HYAL4: variants seen among roughly 807,000 people sequenced by gnomAD.
HYAL4 encodes the protein hyaluronidase 4.
Under a neutral mutation model 35.2 loss-of-function variants are expected in HYAL4, and 37 were observed. The ratio of observed to expected loss-of-function variants is 1.05; its 90% CI spans 0.81 to 1.38. The LOEUF is 1.38. HYAL4 is among the 40% of genes most tolerant of loss of function. The pLI, the probability that HYAL4 is intolerant of heterozygous loss-of-function variation, is 0.00. For synonymous variants in HYAL4, 198 were observed against 203.2 expected, an observed-to-expected ratio of 0.97 and a Z score of 0.22; for missense variants, 572 against 572.4, an observed-to-expected ratio of 1.00 and a Z score of 0.01.
chr7:123,858,150 T>C (rs905107157), intron 2 of HYAL4, among the ~76,000 whole-genome samples: 1 of 152,140 alleles, frequency 6.6e-6, no homozygotes, highest in South Asian at 2.1e-4. Context: ...TGAGCTGATA[T>C]TGTGCCACTA....
the HYAL4 span, among the ~76,000 whole-genome samples, chr7:123,810,368 T>A: frequency 2.0e-5 from 3 of 152,316 alleles, no homozygotes; most frequent in South Asian, 4.1e-4. Context: ...TAATATTTGG[T>A]GTAATTACCA....
At chr7:123,773,854 G>A in the HYAL4 span, among the ~76,000 whole-genome samples, 1 of 151,980 alleles carries the variant, frequency 6.6e-6, no homozygotes, top group Non-Finnish European at 1.5e-5. Context: ...CAAATTTCCT[G>A]CTTCTTAATG....
At chr7:123,767,092 A>C in the HYAL4 span, among the ~76,000 whole-genome samples, 2 of 152,182 alleles carry the variant, frequency 1.3e-5, no homozygotes, top group African/African-American at 4.8e-5. Context: ...AAAAAATTAT[A>C]TATGTTTAAA....
At chr7:123,814,922 G>A in the HYAL4 span, 17,245 of 152,520 alleles carry the variant, frequency 0.11, 1,112 homozygotes, top group Non-Finnish European at 0.14. Flanking sequence ...GTTCACTATC[G>A]AGTTAGAGAA....
chr7:123,791,712 C>T, the HYAL4 span, among the ~76,000 whole-genome samples: 2 of 152,166 alleles, frequency 1.3e-5, no homozygotes, highest in Non-Finnish European at 2.9e-5. Context: ...AGTAGTTGAG[C>T]ATGGTTTCTT....
At chr7:123,765,004 A>C in the HYAL4 span, among the ~76,000 whole-genome samples, 1 of 152,240 alleles carries the variant, frequency 6.6e-6, no homozygotes, top group East Asian at 1.9e-4. Flanking sequence ...TTATAATTAA[A>C]TAGTCTGTCT....
Position 123,869,079 on chromosome 7 carries a change from G to T in HYAL4, c.806G>T (p.Gly269Val), listed in dbSNP as rs1299986059. 3.7e-6 allele frequency: 6 copies of T among 1,614,074 alleles called. No homozygotes were observed. The highest frequency in any genetic ancestry group is 5.1e-6 in the Non-Finnish European group (6 of 1,180,042). The change falls in exon 3 of 5, where the codon GGA becomes GTA. Residue 269 changes from glycine (G) to valine (V), a missense_variant. Gly to Val is a moderately radical substitution (Grantham distance 109, BLOSUM62 -3). Transcript: ENST00000223026. The part of the protein sequence containing the change: ...YPSIGVWKSL[G>V]DSENILRFSK... ...TCTATCGGTGTCTGGAAATCCCTTG[G>T]AGACAGTGAAAACATTTTGCGCTTC...
chr7:123,805,074 A>T, the HYAL4 span, among the ~76,000 whole-genome samples: 1 of 152,166 alleles, frequency 6.6e-6, no homozygotes, highest in Non-Finnish European at 1.5e-5. Flanking sequence ...CTATGTAGTG[A>T]ATGGTAAGGG....
rs770541919 is a variant in HYAL4 at position 123,845,202 on chromosome 7, C to CTTTTTTTTTTT, written c.-591_-581dup. 1.2e-4 allele frequency: 9 copies of CTTTTTTTTTTT among 76,872 alleles called. No individual in the cohort carries two copies. The highest frequency in any genetic ancestry group is 3.9e-4 in the East Asian group (1 of 2,554). 4.8% of individuals were successfully genotyped at this position (76,872 alleles called of 1,614,324 possible). A position where few individuals can be genotyped will look rare whatever the true frequency, so the allele number is the denominator to read the frequency against. ...TTATTTATGCTATCTATTTCTTTTC[C>CTTTTTTTTTTT]TTTTTTTTTTTTTTTTTTTTTTTTG... is the stretch of plus-strand genomic sequence containing the variant. On this transcript the variant is annotated 5_prime_UTR_variant, in exon 1 of 5. An upstream open reading frame in the 5' UTR loses its in-frame stop. Transcript: ENST00000223026.
the HYAL4 span, among the ~76,000 whole-genome samples, chr7:123,800,544 A>G: frequency 6.6e-6 from 1 of 151,906 alleles, no homozygotes; most frequent in Admixed American, 6.6e-5. Context: ...TCAAATAAGC[A>G]TATCATCTTC....
intron 2 of HYAL4, among the ~76,000 whole-genome samples, chr7:123,853,237 C>A (rs185501667): frequency 6.6e-6 from 1 of 152,212 alleles, no homozygotes; most frequent in Admixed American, 6.5e-5. Context: ...TTTCTCTTGC[C>A]TGATTGCCCT....
the HYAL4 span, among the ~76,000 whole-genome samples, chr7:123,816,020 C>G: frequency 1.3e-5 from 2 of 152,260 alleles, no homozygotes; most frequent in Non-Finnish European, 2.9e-5. Context: ...GGAAAAGAAT[C>G]ATAGCATTAT....
intron 4 of HYAL4, chr7:123,876,074 A>C: frequency 2.2e-6 from 1 of 456,582 alleles, no homozygotes; most frequent in South Asian, 1.5e-5. Context: ...GAAGAGCTTC[A>C]TCAGGAAGGT....
At chr7:123,861,655 A>G (rs1806578567) in intron 2 of HYAL4, among the ~76,000 whole-genome samples, 1 of 152,212 alleles carries the variant, frequency 6.6e-6, no homozygotes, top group Non-Finnish European at 1.5e-5. Flanking sequence ...TGAATAATAT[A>G]GTGAATTTAC....
At chr7:123,876,624 T>A in intron 4 of HYAL4, 130 bp from the exon 5 acceptor site, 1 of 977,744 alleles carries the variant, frequency 1.0e-6, no homozygotes, top group Non-Finnish European at 1.5e-6. Context: ...CATTATGTTT[T>A]AATCAAGACC....
At chr7:123,873,851 C>T (rs902069053) in intron 3 of HYAL4, among the ~76,000 whole-genome samples, 9 of 152,178 alleles carry the variant, frequency 5.9e-5, no homozygotes, top group Non-Finnish European at 4.4e-5. Context: ...AGCGACTTTA[C>T]CATGACTGGA....
intron 2 of HYAL4, among the ~76,000 whole-genome samples, chr7:123,848,716 T>C (rs949814399): frequency 6.6e-6 from 1 of 152,216 alleles, no homozygotes; most frequent in Non-Finnish European, 1.5e-5. Context: ...TTTTGCACCA[T>C]CTTTAATGAA....
the HYAL4 span, among the ~76,000 whole-genome samples, chr7:123,812,494 G>A: frequency 1.3e-5 from 2 of 151,986 alleles, no homozygotes; most frequent in Admixed American, 6.6e-5. Flanking sequence ...TTTTTCCATA[G>A]GCTAGCTAGA....
intron 2 of HYAL4, among the ~76,000 whole-genome samples, chr7:123,866,245 G>A (rs376303930): frequency 1.3e-5 from 2 of 152,308 alleles, no homozygotes; most frequent in Admixed American, 6.5e-5. Flanking sequence ...CCACTTAACA[G>A]TAACATTATG....
Sources: gnomAD v4.1 joint callset for allele counts (sites outside exome capture counted in the v4.1 genomes callset) on GRCh38, gnomAD v4.1.1 for gene constraint, MANE v1.5 for transcripts, NCBI Gene and HGNC (gene_info 2026-07-23, HGNC 2026-07-21) for gene names.